Variants in STXBP3 observed in about 807,000 individuals in gnomAD.
STXBP3 encodes the protein syntaxin-binding protein 3.
STXBP3 carries 41 observed loss-of-function variants against 85.7 expected under a neutral mutation model. The ratio of observed to expected loss-of-function variants is 0.48; its 90% confidence interval spans 0.37 to 0.62. STXBP3 has a LOEUF of 0.62. STXBP3 is among the 20% of genes least tolerant of loss of function. STXBP3 has a pLI of 0.00. For missense variants in STXBP3, 563 were observed against 703.1 expected, an observed-to-expected ratio of 0.80 and a Z score of 2.25; for synonymous variants, 229 against 231.7, an observed-to-expected ratio of 0.99 and a Z score of 0.10.
intron 16 of STXBP3, 59 bp from the exon 17 acceptor site, chr1:108,800,161 C>A: frequency 1.6e-6 from 2 of 1,244,294 alleles, no homozygotes; most frequent in African/African-American, 1.5e-5. Flanking sequence ...GACCTTTATG[C>A]CAAACAAAGT....
intron 9 of STXBP3, chr1:108,781,898 A>G (rs770660849): frequency 2.0e-5 from 3 of 152,082 alleles, no homozygotes; most frequent in Non-Finnish European, 2.9e-5. Flanking sequence ...TTTTTTAGAG[A>G]CAGGGTTTCA....
At chr1:108,772,261 ATGATATC>A (rs1466942097) in intron 6 of STXBP3, among the ~76,000 whole-genome samples, 2 of 74,864 alleles carry the variant, frequency 2.7e-5, no homozygotes, top group Non-Finnish European at 5.8e-5. Flanking sequence ...ATAAATACAT[ATGATATC>A]TATCTGTATC....
At chr1:108,763,102 T>C (rs757080317) in intron 6 of STXBP3, among the ~76,000 whole-genome samples, 1 of 152,198 alleles carries the variant, frequency 6.6e-6, no homozygotes, top group Non-Finnish European at 1.5e-5. Flanking sequence ...TTCTTGGCAA[T>C]AGACAGAAAA....
intron 7 of STXBP3, 117 bp from the exon 8 acceptor site, chr1:108,776,215 AT>A: frequency 1.8e-6 from 1 of 567,594 alleles, no homozygotes; most frequent in Non-Finnish European, 2.8e-6. Flanking sequence ...TTATAAAATA[AT>A]TTTTCATTTT....
Position 108,808,822 on chromosome 1 carries a change from A to C in STXBP3, c.1724A>C (p.Asp575Ala), listed in dbSNP as rs1165627029. The change falls in exon 19 of 19, where the codon GAT (aspartate) becomes GCT (alanine). Residue 575 changes from aspartate (D) to alanine (A), a missense_variant. By Grantham distance (126) the Asp-to-Ala change is moderately radical. Transcript: ENST00000370008. ...HVLTPKKLLDDIKMLNKPKDK... is the reference protein window; with the variant it reads ...HVLTPKKLLDAIKMLNKPKDK... Reference sequence around the variant, plus strand: ...TTAACACCCAAAAAGCTGTTGGATGATATAAAGATGCTGAATAAACCCAAG... The same window carrying C: ...TTAACACCCAAAAAGCTGTTGGATGCTATAAAGATGCTGAATAAACCCAAG... 1 of 1,613,198 alleles carries C rather than the reference A, an allele frequency of 6.2e-7. No individual in the cohort carries two copies. The highest frequency in any genetic ancestry group is 8.5e-7 in the Non-Finnish European group (1 of 1,179,716).
chr1:108,771,532 T>G (rs1430637119), intron 6 of STXBP3, among the ~76,000 whole-genome samples: 11 of 29,896 alleles, frequency 3.7e-4, no homozygotes, highest in African/African-American at 2.2e-3. Context: ...GATATATATC[T>G]ATATATATCA....
intron 1 of STXBP3, among the ~76,000 whole-genome samples, chr1:108,751,340 T>G (rs570940617): frequency 5.9e-5 from 9 of 152,288 alleles, no homozygotes; most frequent in African/African-American, 2.2e-4. Context: ...ATATTTTTTA[T>G]TGTACCACAG....
In STXBP3 at chr1:108,809,149, G is replaced by A. The variant is rs1663403323; in HGVS notation, c.*272G>A. ...CTTTGGAGGAGAATATATTAGAGTT[G>A]TGGGTAATTTTTCACAGCCACCTAT... On this transcript the variant is annotated 3_prime_UTR_variant, in exon 19 of 19. Coordinates refer to ENST00000370008, the MANE Select transcript of STXBP3 (RefSeq NM_007269.4). The A allele has an allele frequency of 3.5e-6, 1 of 288,298 alleles. No homozygotes were observed. Among genetic ancestry groups the A allele is most frequent in the Non-Finnish European group, 6.4e-6 (1 of 156,344 alleles). 17.9% of individuals were successfully genotyped at this position (288,298 alleles called of 1,614,324 possible).
rs144172568 is a variant in STXBP3 at position 108,789,608 on chromosome 1, T to C, written c.964-3974T>C. Among the ~76,000 whole-genome samples the C allele has an allele frequency of 4.5e-4, 68 of 152,336 alleles. 2 individuals are homozygous for C. In the East Asian group the frequency reaches 0.013, roughly 28 times the overall value. On this transcript the variant is annotated intron_variant, in intron 11 of 18. Coordinates refer to ENST00000370008, the MANE Select transcript of STXBP3 (RefSeq NM_007269.4). ...GTTCAAAACATTTTCTAACCCTTAT[T>C]ATGATTTCTTCTTTGACCCATGTGT...
At chr1:108,772,912 C>A in intron 7 of STXBP3, 93 bp downstream of exon 7, 1 of 1,234,792 alleles carries the variant, frequency 8.1e-7, no homozygotes, top group Non-Finnish European at 1.1e-6. Flanking sequence ...TGTTGGTTTG[C>A]AAAATTTATT....
intron 15 of STXBP3, among the ~76,000 whole-genome samples, chr1:108,797,030 G>T (rs1456922678): frequency 6.6e-6 from 1 of 151,904 alleles, no homozygotes; most frequent in African/African-American, 2.4e-5. Context: ...ATATGGCAGA[G>T]AAAATAAGTA....
chr1:108,765,381 A>G (rs540147318), intron 6 of STXBP3, among the ~76,000 whole-genome samples: 1 of 152,324 alleles, frequency 6.6e-6, no homozygotes, highest in South Asian at 2.1e-4. Context: ...GGATCCACAG[A>G]AGAAAAATAA....
chr1:108,794,766 AT>A, intron 12 of STXBP3, 60 bp from the exon 13 acceptor site: 1 of 1,464,250 alleles, frequency 6.8e-7, no homozygotes, highest in Non-Finnish European at 9.4e-7. Context: ...AAAGTTTAAT[AT>A]TACCAGTTGC....
At chr1:108,765,725 C>A (rs556688799) in intron 6 of STXBP3, among the ~76,000 whole-genome samples, 3 of 152,012 alleles carry the variant, frequency 2.0e-5, no homozygotes, top group Non-Finnish European at 4.4e-5. Flanking sequence ...CACGTACCCC[C>A]ACGCGGGGCT....
At chr1:108,768,468 G>A (rs186580411) in intron 6 of STXBP3, among the ~76,000 whole-genome samples, 22 of 152,256 alleles carry the variant, frequency 1.4e-4, no homozygotes, top group Admixed American at 1.1e-3. Context: ...TTATAAGGTA[G>A]TAATGAAGAG....
intron 16 of STXBP3, among the ~76,000 whole-genome samples, chr1:108,799,910 G>T (rs1335082030): frequency 1.3e-5 from 2 of 152,078 alleles, no homozygotes; most frequent in Non-Finnish European, 2.9e-5. Flanking sequence ...GTCACGACTG[G>T]AATAATGATT....
chr1:108,752,958 T>C (rs1424875848), intron 2 of STXBP3, 105 bp from the exon 3 acceptor site: 7 of 772,472 alleles, frequency 9.1e-6, no homozygotes, highest in Non-Finnish European at 2.0e-6. Flanking sequence ...ACTGTTCTGA[T>C]ATTTTGTGTT....
At chr1:108,793,501 G>T (rs1342829464) in intron 11 of STXBP3, 81 bp from the exon 12 acceptor site, 1 of 1,237,542 alleles carries the variant, frequency 8.1e-7, no homozygotes, top group Non-Finnish European at 1.1e-6. Context: ...TTGATAATTT[G>T]TAAAACTCTA....
chr1:108,775,635 C>T (rs150691013), intron 7 of STXBP3, among the ~76,000 whole-genome samples: 62 of 152,094 alleles, frequency 4.1e-4, no homozygotes, highest in Non-Finnish European at 8.4e-4. Flanking sequence ...TTTTAGCTCC[C>T]GGAAGCAAGT....
Sources: gnomAD v4.1 joint callset for allele counts (sites outside exome capture counted in the v4.1 genomes callset) on GRCh38, gnomAD v4.1.1 for gene constraint, MANE v1.5 for transcripts, NCBI Gene and HGNC (gene_info 2026-07-23, HGNC 2026-07-21) for gene names.